Variants in FLOT2 observed in about 807,000 individuals in gnomAD.
FLOT2 encodes the protein flotillin-2.
Under a neutral mutation model 54.9 loss-of-function variants are expected in FLOT2, and 35 were observed. The ratio of observed to expected loss-of-function variants is 0.64; its 90% CI spans 0.49 to 0.84. The LOEUF is 0.84. FLOT2 is among the 40% of genes least tolerant of loss of function. The probability of loss-of-function intolerance (pLI) is 0.00; values close to 1 mark genes in which losing one functional copy is unlikely to be tolerated. For synonymous variants in FLOT2, 207 were observed against 228.9 expected, an observed-to-expected ratio of 0.90 and a Z score of 0.86; for missense variants, 464 against 572.1, an observed-to-expected ratio of 0.81 and a Z score of 1.93.
chr17:28,895,197 G>C (rs558733231), intron 1 of FLOT2, among the ~76,000 whole-genome samples: 1 of 151,902 alleles, frequency 6.6e-6, no homozygotes, highest in South Asian at 2.1e-4. Context: ...ACAGGCATTA[G>C]TCTGGCCAAG....
chr17:28,881,689 T>G, intron 8 of FLOT2, 125 bp downstream of exon 8: 3 of 858,696 alleles, frequency 3.5e-6, no homozygotes, highest in Non-Finnish European at 3.7e-6. Flanking sequence ...CACTTCACAG[T>G]GAGTAAGAAG....
chr17:28,883,093 TGAACAGGG>T lies in FLOT2; in HGVS notation c.346+7_346+14del. ...GGGCCCCGTGAGGCTCCTCAAAGGC[TGAACAGGG>T]CCTCACCGAGGATGGAGCGCAGATG... On this transcript the variant is annotated splice_region_variant and intron_variant, in intron 4 of 10. Transcript: ENST00000394908. The surrounding 1 kb of genome is among the most constrained non-coding windows in gnomAD (Gnocchi z 5.0). 1 of 1,613,676 alleles carries T rather than the reference TGAACAGGG, an allele frequency of 6.2e-7. No individual in the cohort carries two copies. Among genetic ancestry groups the T allele is most frequent in the Non-Finnish European group, 8.5e-7 (1 of 1,179,698 alleles).
chr17:28,880,834 G>A lies in FLOT2; in HGVS notation c.1127C>T (p.Thr376Ile), dbSNP rs772100503. Residue 376 changes from threonine (T) to isoleucine (I), a missense_variant, in exon 10 of 11, where the codon ACC (threonine) becomes ATC (isoleucine). Thr to Ile is a moderately conservative substitution (Grantham distance 89, BLOSUM62 -1). Transcript: ENST00000394908. ...QIAAKIAAPL[T>I]KVDEIVVLSG... ...GAGGACCACAATCTCATCGACCTTG[G>A]TAAGTGGGGCAGCGATTTTGGCAGC... 1.1e-5 allele frequency: 17 copies of A among 1,614,140 alleles called. No individual in the cohort carries two copies. The highest frequency in any genetic ancestry group is 1.4e-5 in the Non-Finnish European group (16 of 1,180,036).
chr17:28,889,929 C>T (rs1054798474), intron 1 of FLOT2, among the ~76,000 whole-genome samples: 6 of 152,194 alleles, frequency 3.9e-5, no homozygotes, highest in South Asian at 2.1e-4. Flanking sequence ...TGAGCCACCA[C>T]GCCTGGTCCA....
chr17:28,891,227 T>C (rs1391335343), intron 1 of FLOT2, among the ~76,000 whole-genome samples: 1 of 152,218 alleles, frequency 6.6e-6, no homozygotes, highest in Non-Finnish European at 1.5e-5. Context: ...TCATGAAAGC[T>C]TCAAAGAACC....
chr17:28,895,332 G>A (rs1439755332), intron 1 of FLOT2, among the ~76,000 whole-genome samples: 2 of 152,158 alleles, frequency 1.3e-5, no homozygotes, highest in Non-Finnish European at 2.9e-5. Flanking sequence ...GTAAGATCTA[G>A]TGGTAAATCT....
intron 1 of FLOT2, among the ~76,000 whole-genome samples, chr17:28,893,989 T>G (rs1203192577): frequency 6.6e-6 from 1 of 152,240 alleles, no homozygotes; most frequent in Non-Finnish European, 1.5e-5. Context: ...AGCTTGCCGA[T>G]GCTCCCAGCT....
intron 1 of FLOT2, among the ~76,000 whole-genome samples, chr17:28,893,515 G>C (rs1033600659): frequency 1.3e-4 from 19 of 151,376 alleles, no homozygotes; most frequent in Non-Finnish European, 1.5e-5. Flanking sequence ...GGGCTCAAGC[G>C]ATCCTCCAGC....
In FLOT2 at chr17:28,881,347, C is replaced by G. The variant is rs768920322; in HGVS notation, c.943G>C (p.Glu315Gln). 1.2e-6 allele frequency: 2 copies of G among 1,613,148 alleles called. No individual in the cohort carries two copies. The highest frequency in any genetic ancestry group is 1.7e-5 in the Admixed American group (1 of 60,024). The part of the protein sequence containing the change: ...KVKQVLLAQA[E>Q]AEKIRKIGEA... ...CCGATTTTGCGGATCTTCTCAGCCT[C>G]TGCCTGTGCCAAGAGGACCTGCTTC... Residue 315 changes from glutamate to glutamine, a missense_variant, in exon 9 of 11, where the codon GAG (glutamate) becomes CAG (glutamine). By Grantham distance (29) the Glu-to-Gln change is conservative. Transcript: ENST00000394908.
Position 28,881,657 on chromosome 17 carries a change from A to G in FLOT2, c.914+157T>C, listed in dbSNP as rs2039449819. 1.7e-5 allele frequency: 12 copies of G among 713,952 alleles called. No homozygotes were observed. In the South Asian group the frequency reaches 2.2e-4, roughly 13 times the overall value. 44.2% of individuals were successfully genotyped at this position (713,952 alleles called of 1,614,324 possible). A position where few individuals can be genotyped will look rare whatever the true frequency, so the allele number is the denominator to read the frequency against. The stretch of plus-strand genomic sequence containing the variant: ...ATTTAGTCTTCCCAACAGCAGTCCC[A>G]CAGGGGACATGGGGTTATCCTCACT... On this transcript the variant is annotated intron_variant, in intron 8 of 10. Transcript: ENST00000394908.
Position 28,880,822 on chromosome 17 carries a change from T to C in FLOT2, c.1139A>G (p.Glu380Gly). ...KIAAPLTKVD[E>G]IVVLSGDNSK... Reference sequence around the variant, plus strand: ...GTTGTCTCCACTGAGGACCACAATCTCATCGACCTTGGTAAGTGGGGCAGC... The same window carrying C: ...GTTGTCTCCACTGAGGACCACAATCCCATCGACCTTGGTAAGTGGGGCAGC... The change falls in exon 10 of 11, where the codon GAG becomes GGG. Residue 380 changes from glutamate (E) to glycine (G), a missense_variant. Transcript: ENST00000394908. The C allele has an allele frequency of 6.2e-7, 1 of 1,614,122 alleles. No homozygotes were observed. The highest frequency in any genetic ancestry group is 8.5e-7 in the Non-Finnish European group (1 of 1,180,024).
At position 28,897,202 on chromosome 17, in the gene FLOT2, C is replaced by T. The variant is rs1386916351; in HGVS notation, c.49+324G>A. 6.6e-6 allele frequency among the ~76,000 whole-genome samples: 1 copy of T among 152,280 alleles called. No individual in the cohort carries two copies. Among genetic ancestry groups the T allele is most frequent in the East Asian group, 1.9e-4 (1 of 5,202 alleles). On this transcript the variant is annotated intron_variant, in intron 1 of 10. Coordinates refer to ENST00000394908, the MANE Select transcript of FLOT2 (RefSeq NM_004475.3). The surrounding 1 kb of genome is among the most constrained non-coding windows in gnomAD (Gnocchi z 4.4). ...GTTCCCGGAACCACCAGTTCCCTCCCTCCTGGAACCCCGCGGCTTCAGTTC... is the reference window on the plus strand; with the variant it reads ...GTTCCCGGAACCACCAGTTCCCTCCTTCCTGGAACCCCGCGGCTTCAGTTC...
intron 1 of FLOT2, among the ~76,000 whole-genome samples, chr17:28,891,468 G>A (rs987413621): frequency 6.6e-6 from 1 of 152,250 alleles, no homozygotes; most frequent in African/African-American, 2.4e-5. Context: ...TGGGATCAGG[G>A]AGACTGGTCT....
chr17:28,881,394 G>A lies in FLOT2; in HGVS notation c.915-19C>T, dbSNP rs1312392295. The A allele has an allele frequency of 1.0e-5, 16 of 1,606,534 alleles. No homozygotes were observed. Among genetic ancestry groups the A allele is most frequent in the Non-Finnish European group, 1.4e-5 (16 of 1,179,472 alleles). ...CTTCACCCTGGGGGAGCCCAGGCCA[G>A]TTAGGATCAGTGGGACGTACCAGGG... On this transcript the variant is annotated intron_variant, in intron 8 of 10. Coordinates refer to ENST00000394908, the MANE Select transcript of FLOT2 (RefSeq NM_004475.3).
At position 28,897,662 on chromosome 17, in the gene FLOT2, C is replaced by T. The variant is rs563908387; in HGVS notation, c.-88G>A. 5.9e-6 allele frequency: 7 copies of T among 1,185,564 alleles called. No homozygotes were observed. The highest frequency in any genetic ancestry group is 6.5e-6 in the Non-Finnish European group (6 of 925,222). The allele number at this position is 1,185,564 out of a possible 1,614,324, so 73.4% of individuals were successfully genotyped here. On this transcript the variant is annotated 5_prime_UTR_variant, in exon 1 of 11. Coordinates refer to ENST00000394908, the MANE Select transcript of FLOT2 (RefSeq NM_004475.3). This position sits in a 1 kb window ranked among gnomAD's most constrained non-coding sequence, Gnocchi z 4.4. The stretch of plus-strand genomic sequence containing the variant: ...AGCGCCGGCCGCGCCCAGCCTATCC[C>T]GCCACCCCCAGCGGCCGGCCGCCCG...
At position 28,880,536 on chromosome 17, in the gene FLOT2, T is replaced by G. The variant is rs1279396361; in HGVS notation, c.*25A>C. ...GCTGGAGGGAGGGCCGGGTGGCTGC[T>G]GAAGAGAGTGGGCCTGCAGGAGCCT... is the stretch of plus-strand genomic sequence containing the variant. On this transcript the variant is annotated 3_prime_UTR_variant, in exon 11 of 11. Transcript: ENST00000394908. 6.2e-7 allele frequency: 1 copy of G among 1,611,428 alleles called. No homozygotes were observed. Among genetic ancestry groups the G allele is most frequent in the African/African-American group, 1.3e-5 (1 of 74,852 alleles).
chr17:28,883,164 T>C lies in FLOT2; in HGVS notation c.290A>G (p.Gln97Arg), dbSNP rs2039485125. Reference sequence around the variant, plus strand: ...CTGCAGGACGACGTTTTTGATGTCCTGCACATTCTTACCCAGAAACTGCTC... The same window carrying C: ...CTGCAGGACGACGTTTTTGATGTCCCGCACATTCTTACCCAGAAACTGCTC... ...ACEQFLGKNV[Q>R]DIKNVVLQTL... The change falls in exon 4 of 11, where the codon CAG (glutamine) becomes CGG (arginine). Residue 97 changes from glutamine (Q) to arginine (R), a missense_variant. By Grantham distance (43) the Gln-to-Arg change is conservative. Coordinates refer to ENST00000394908, the MANE Select transcript of FLOT2 (RefSeq NM_004475.3). This position sits in a 1 kb window ranked among gnomAD's most constrained non-coding sequence, Gnocchi z 5.0. 2 of 1,613,976 alleles carry C rather than the reference T, an allele frequency of 1.2e-6. No individual in the cohort carries two copies. The highest frequency in any genetic ancestry group is 1.7e-6 in the Non-Finnish European group (2 of 1,179,992).
At position 28,880,449 on chromosome 17, in the gene FLOT2, C is replaced by G; in HGVS notation, c.*112G>C. Reference sequence around the variant, plus strand: ...GGCCTGAACACGCAGCACTTCTGGTCCCTTCGAGATAAGGCACCAGAGTCA... The same window carrying G: ...GGCCTGAACACGCAGCACTTCTGGTGCCTTCGAGATAAGGCACCAGAGTCA... On this transcript the variant is annotated 3_prime_UTR_variant, in exon 11 of 11. Coordinates refer to ENST00000394908, the MANE Select transcript of FLOT2 (RefSeq NM_004475.3). 2.0e-6 allele frequency: 3 copies of G among 1,533,608 alleles called. No individual in the cohort carries two copies. The highest frequency in any genetic ancestry group is 1.8e-6 in the Non-Finnish European group (2 of 1,140,748).
intron 1 of FLOT2, among the ~76,000 whole-genome samples, chr17:28,889,878 T>C (rs2039615553): frequency 6.6e-6 from 1 of 152,184 alleles, no homozygotes; most frequent in Non-Finnish European, 1.5e-5. Flanking sequence ...GACCTTGTGA[T>C]CCACCTGCCT....
Sources: gnomAD v4.1 joint callset for allele counts (sites outside exome capture counted in the v4.1 genomes callset) on GRCh38, gnomAD v4.1.1 for gene constraint, Gnocchi (gnomAD v3.1) non-coding constraint, MANE v1.5 for transcripts, NCBI Gene and HGNC (gene_info 2026-07-23, HGNC 2026-07-21) for gene names.